Variants in MEIS1 observed in about 807,000 individuals in gnomAD.
MEIS1 encodes Meis homeobox 1.
MEIS1 carries 5 observed loss-of-function variants against 50.8 expected under a neutral mutation model. The observed-to-expected ratio is 0.10, with a 90% CI of 0.05 to 0.21. The LOEUF is 0.21. Among genes scored for constraint, MEIS1 ranks in the 10% least tolerant of loss-of-function variants. The pLI, the probability that MEIS1 is intolerant of heterozygous loss-of-function variation, is 1.00. For missense variants in MEIS1, 318 were observed against 517.3 expected (o/e 0.61, Z 3.74); for synonymous variants, 176 against 179.3 (o/e 0.98, Z 0.15).
intron 8 of MEIS1, among the ~76,000 whole-genome samples, chr2:66,518,481 A>C (rs902942050): frequency 6.6e-6 from 1 of 152,242 alleles, no homozygotes; most frequent in Non-Finnish European, 1.5e-5. Context: ...GATTATGTGT[A>C]AAACAAAAGT....
At chr2:66,552,406 A>G (rs147369961) in intron 9 of MEIS1, among the ~76,000 whole-genome samples, 111 of 152,350 alleles carry the variant, frequency 7.3e-4, no homozygotes, top group African/African-American at 2.5e-3. Flanking sequence ...TGCAAAATAT[A>G]TAGTGTATGT....
At chr2:66,446,485 T>G (rs1282871417) in intron 6 of MEIS1, among the ~76,000 whole-genome samples, 1 of 151,816 alleles carries the variant, frequency 6.6e-6, no homozygotes, top group Non-Finnish European at 1.5e-5. Flanking sequence ...ATTAGCTAGG[T>G]CTGTGCTCGG....
At chr2:66,489,421 G>A (rs1195924731) in intron 7 of MEIS1, among the ~76,000 whole-genome samples, 1 of 152,122 alleles carries the variant, frequency 6.6e-6, no homozygotes, top group African/African-American at 2.4e-5. Context: ...AGTTTTTCAG[G>A]TTGATTCTTA....
chr2:66,540,453 G>A (rs1674624257), intron 8 of MEIS1, among the ~76,000 whole-genome samples: 1 of 152,050 alleles, frequency 6.6e-6, no homozygotes, highest in Admixed American at 6.6e-5. Context: ...GGGATTACAG[G>A]CGCCTGACAT....
chr2:66,558,353 A>C (rs1675128169), intron 9 of MEIS1, among the ~76,000 whole-genome samples: 1 of 151,942 alleles, frequency 6.6e-6, no homozygotes, highest in Admixed American at 6.6e-5. Flanking sequence ...GAAATCCAGC[A>C]ACTCAGCAGT....
intron 9 of MEIS1, among the ~76,000 whole-genome samples, chr2:66,564,883 ATTG>A (rs1675308671): frequency 6.6e-6 from 1 of 150,610 alleles, no homozygotes; most frequent in African/African-American, 2.4e-5. Context: ...TCCCCCTGTA[ATTG>A]TTGTTTTTGC....
rs114124208 is a variant in MEIS1, at chr2:66,567,427, G to A, written c.966-26G>A. On this transcript the variant is annotated intron_variant, in intron 9 of 12. Transcript: ENST00000272369. ...CCCCCTTTTATTTTTAAGGAATAAC[G>A]ATTTGTTTCACTTTCTTGGTTACAG... The A allele has an allele frequency of 2.4e-3, 3,938 of 1,610,380 alleles. 90 individuals carry two copies. In the African/African-American group the frequency reaches 0.047, roughly 19 times the overall value.
In MEIS1 at chr2:66,525,830, G is replaced by A. The variant is rs570525775; in HGVS notation, c.888+13536G>A. On this transcript the variant is annotated intron_variant, in intron 8 of 12. Transcript: ENST00000272369. ...AGCTTCAGTGCTCTGGTGACAATATGCAGCGACGGAAGTTATCATGGAGTG... is the reference window on the plus strand; with the variant it reads ...AGCTTCAGTGCTCTGGTGACAATATACAGCGACGGAAGTTATCATGGAGTG... Among the ~76,000 whole-genome samples the A allele has an allele frequency of 2.6e-5, 4 of 152,346 alleles. No homozygotes were observed. In the East Asian group the frequency reaches 7.7e-4, roughly 29 times the overall value.
intron 9 of MEIS1, among the ~76,000 whole-genome samples, chr2:66,552,977 A>G (rs1674957359): frequency 6.6e-6 from 1 of 151,856 alleles, no homozygotes; most frequent in Admixed American, 6.6e-5. Context: ...TGAATATTAG[A>G]CACAGATTGT....
intron 7 of MEIS1, among the ~76,000 whole-genome samples, chr2:66,466,300 C>T (rs1672633536): frequency 6.6e-6 from 1 of 152,224 alleles, no homozygotes; most frequent in African/African-American, 2.4e-5. Flanking sequence ...ATAACTTCCA[C>T]TGTCATCAAA....
intron 1 of MEIS1, chr2:66,437,418 C>A: frequency 2.9e-6 from 1 of 345,662 alleles, no homozygotes; most frequent in Non-Finnish European, 5.4e-6. Flanking sequence ...CACCTTCTAC[C>A]CTCGGGAGAA....
At chr2:66,459,903 T>C (rs1672479696) in intron 6 of MEIS1, among the ~76,000 whole-genome samples, 1 of 152,124 alleles carries the variant, frequency 6.6e-6, no homozygotes, top group Non-Finnish European at 1.5e-5. Context: ...TCGCAGGTAG[T>C]TGGACATACA....
chr2:66,435,770 G>C lies in MEIS1; in HGVS notation c.-87G>C, dbSNP rs566399008. ...TTTTTTTTTTTTTTTTTTTTTTTCC[G>C]GGGGAGTTTGAATATTTGTTTCTTT... is the stretch of plus-strand genomic sequence containing the variant. On this transcript the variant is annotated 5_prime_UTR_variant, in exon 1 of 13. Coordinates refer to ENST00000272369, the MANE Select transcript of MEIS1 (RefSeq NM_002398.3). 1 of 779,386 alleles carries C rather than the reference G, an allele frequency of 1.3e-6. No homozygotes were observed. The highest frequency in any genetic ancestry group is 1.9e-6 in the Non-Finnish European group (1 of 514,642). The allele number at this position is 779,386 out of a possible 1,614,324, so 48.3% of individuals were successfully genotyped here.
chr2:66,438,819 C>A (rs1207347837), intron 2 of MEIS1, among the ~76,000 whole-genome samples: 1 of 151,874 alleles, frequency 6.6e-6, no homozygotes, highest in African/African-American at 2.4e-5. Context: ...GACACACTGA[C>A]CCTCCCTCGC....
At chr2:66,500,182 A>T (rs1200024763) in intron 7 of MEIS1, among the ~76,000 whole-genome samples, 1 of 152,148 alleles carries the variant, frequency 6.6e-6, no homozygotes, top group African/African-American at 2.4e-5. Flanking sequence ...TACGAGCTTT[A>T]CCACATATAA....
intron 7 of MEIS1, among the ~76,000 whole-genome samples, chr2:66,473,872 C>T (rs1672827996): frequency 1.3e-5 from 2 of 152,106 alleles, no homozygotes; most frequent in Admixed American, 1.3e-4. Flanking sequence ...CTCAACCCCG[C>T]AGACAACAAA....
intron 7 of MEIS1, among the ~76,000 whole-genome samples, chr2:66,487,252 G>A (rs1476447548): frequency 2.6e-5 from 4 of 152,108 alleles, no homozygotes; most frequent in African/African-American, 9.7e-5. Context: ...TATTATGAAT[G>A]TTTTCATACA....
intron 7 of MEIS1, among the ~76,000 whole-genome samples, chr2:66,482,239 CAAAT>C (rs1480667780): frequency 6.6e-6 from 1 of 152,048 alleles, no homozygotes; most frequent in Non-Finnish European, 1.5e-5. Context: ...ATTTTTCAAA[CAAAT>C]AACTCATTTT....
chr2:66,554,993 G>T (rs1675019031), intron 9 of MEIS1, among the ~76,000 whole-genome samples: 1 of 152,158 alleles, frequency 6.6e-6, no homozygotes, highest in African/African-American at 2.4e-5. Context: ...TCTATGAAGG[G>T]CATGACAGAT....
Sources: gnomAD v4.1 joint callset for allele counts (sites outside exome capture counted in the v4.1 genomes callset) on GRCh38, gnomAD v4.1.1 for gene constraint, MANE v1.5 for transcripts, NCBI Gene and HGNC (gene_info 2026-07-23, HGNC 2026-07-21) for gene names.